EXOC2: variants seen among roughly 807,000 people sequenced by gnomAD.
EXOC2 encodes the protein exocyst complex component 2.
In EXOC2, 70 loss-of-function variants were observed where a neutral mutation model predicts 131.8. The observed-to-expected ratio is 0.53, with a 90% CI of 0.44 to 0.65. The LOEUF (loss-of-function observed/expected upper bound fraction) is 0.65. EXOC2 is among the 30% of genes least tolerant of loss of function. EXOC2 has a pLI of 0.00. For synonymous variants in EXOC2, 411 were observed against 398.4 expected (o/e 1.03, Z -0.38); for missense variants, 923 against 1,108.6 (o/e 0.83, Z 2.38).
At chr6:535,721 C>T (rs1026359855) in intron 22 of EXOC2, among the ~76,000 whole-genome samples, 2 of 152,094 alleles carry the variant, frequency 1.3e-5, no homozygotes, top group African/African-American at 4.8e-5. Context: ...CTCTACCAAG[C>T]ATGTAAGGAA....
chr6:691,634 G>C (rs1183821655), intron 1 of EXOC2, among the ~76,000 whole-genome samples: 1 of 152,232 alleles, frequency 6.6e-6, no homozygotes, highest in Non-Finnish European at 1.5e-5. Flanking sequence ...CTGGTCAACA[G>C]TAGGCTATTA....
At chr6:594,126 C>G (rs1320259550) in intron 10 of EXOC2, among the ~76,000 whole-genome samples, 1 of 152,214 alleles carries the variant, frequency 6.6e-6, no homozygotes, top group Non-Finnish European at 1.5e-5. Context: ...AAGAGCTTTA[C>G]TCAGATTAAG....
chr6:512,294 C>T (rs1302910370), intron 23 of EXOC2, among the ~76,000 whole-genome samples: 1 of 152,210 alleles, frequency 6.6e-6, no homozygotes, highest in African/African-American at 2.4e-5. Context: ...GCCTCTGCTG[C>T]CCCTGACACA....
At chr6:548,519 C>T (rs1756977836) in intron 22 of EXOC2, among the ~76,000 whole-genome samples, 1 of 152,144 alleles carries the variant, frequency 6.6e-6, no homozygotes, top group Admixed American at 6.5e-5. Context: ...ATATAAACAA[C>T]AAAGTGTAAC....
intron 17 of EXOC2, 78 bp from the exon 18 acceptor site, chr6:556,642 GC>G: frequency 7.0e-7 from 1 of 1,433,174 alleles, no homozygotes; most frequent in Non-Finnish European, 9.8e-7. Flanking sequence ...AGCGAATATG[GC>G]CCCAAGCCCC....
intron 6 of EXOC2, among the ~76,000 whole-genome samples, chr6:610,543 A>G (rs1760661286): frequency 6.6e-6 from 1 of 152,206 alleles, no homozygotes; most frequent in Non-Finnish European, 1.5e-5. Context: ...CACTCACATG[A>G]CATTCAAAGG....
At chr6:663,016 T>C (rs1763489499) in intron 1 of EXOC2, among the ~76,000 whole-genome samples, 1 of 151,704 alleles carries the variant, frequency 6.6e-6, no homozygotes, top group Non-Finnish European at 1.5e-5. Flanking sequence ...TCCTGGTTCT[T>C]TGAAAAGATA....
chr6:560,437 A>G (rs1757639403), intron 17 of EXOC2, among the ~76,000 whole-genome samples: 1 of 152,264 alleles, frequency 6.6e-6, no homozygotes, highest in South Asian at 2.1e-4. Context: ...TCTTAGATTT[A>G]CCGGTAATCA....
At position 675,187 on chromosome 6, in the gene EXOC2, C is replaced by G. The variant is rs115664371; in HGVS notation, c.-44+17832G>C. 6.9e-3 allele frequency among the ~76,000 whole-genome samples: 1,057 copies of G among 152,246 alleles called. 17 individuals are homozygous for G. Among genetic ancestry groups the G allele is most frequent in the African/African-American group, 0.024 (1,015 of 41,532 alleles). The stretch of plus-strand genomic sequence containing the variant: ...CTTATCCTGCTTGTTGATAATAAAA[C>G]CTACATTTTAAAAGTCTTCCCTTTT... On this transcript the variant is annotated intron_variant, in intron 1 of 27. Transcript: ENST00000230449.
intron 23 of EXOC2, among the ~76,000 whole-genome samples, chr6:513,011 T>C (rs950756697): frequency 1.3e-5 from 2 of 152,242 alleles, no homozygotes; most frequent in Non-Finnish European, 2.9e-5. Flanking sequence ...TTTTCAACAA[T>C]GGACGCTTAA....
intron 21 of EXOC2, among the ~76,000 whole-genome samples, chr6:552,878 A>ACC (rs540648632): frequency 2.7e-5 from 4 of 150,306 alleles, no homozygotes; most frequent in African/African-American, 4.9e-5. Flanking sequence ...ACACACACAC[A>ACC]CCCCCCCTTC....
At chr6:581,508 G>C (rs796427075) in intron 11 of EXOC2, among the ~76,000 whole-genome samples, 29 of 152,208 alleles carry the variant, frequency 1.9e-4, no homozygotes, top group African/African-American at 6.7e-4. Context: ...TTGCGAACAG[G>C]CACATCACCC....
chr6:504,346 C>T (rs1581322669), intron 23 of EXOC2, among the ~76,000 whole-genome samples: 1 of 152,196 alleles, frequency 6.6e-6, no homozygotes, highest in South Asian at 2.1e-4. Flanking sequence ...GCGGCTGAGG[C>T]CTCGCGGTGA....
intron 21 of EXOC2, 51 bp downstream of exon 21, chr6:553,803 G>T (rs1395707864): frequency 1.3e-6 from 2 of 1,499,026 alleles, no homozygotes; most frequent in Non-Finnish European, 1.9e-6. Context: ...TTGCGAAATT[G>T]TTGTTACACA....
intron 26 of EXOC2, 115 bp from the exon 27 acceptor site, chr6:489,153 T>C: frequency 2.1e-6 from 2 of 965,416 alleles, no homozygotes; most frequent in Non-Finnish European, 3.0e-6. Context: ...AGCAAGGAAA[T>C]ATGAGAAAAA....
At chr6:493,629 C>G (rs985754961) in intron 25 of EXOC2, among the ~76,000 whole-genome samples, 7 of 152,216 alleles carry the variant, frequency 4.6e-5, no homozygotes, top group African/African-American at 1.7e-4. Flanking sequence ...ACCAAGCTCT[C>G]AGGACAGTTC....
intron 1 of EXOC2, among the ~76,000 whole-genome samples, chr6:677,309 T>C (rs1009386268): frequency 4.6e-5 from 7 of 152,238 alleles, no homozygotes; most frequent in African/African-American, 1.7e-4. Context: ...ATAGGGATTT[T>C]GACCCCTTCA....
chr6:496,963 T>C lies in EXOC2; in HGVS notation c.2559+404A>G, dbSNP rs1479528488. 2.6e-5 allele frequency among the ~76,000 whole-genome samples: 4 copies of C among 152,362 alleles called. No individual in the cohort carries two copies. In the East Asian group the frequency reaches 5.8e-4, roughly 22 times the overall value. On this transcript the variant is annotated intron_variant, in intron 25 of 27. Transcript: ENST00000230449. ...CTGGTGTTTACGGCAGTTATAATTA[T>C]GTAATTTAAACAAAAGAGACAGTTA... is the stretch of plus-strand genomic sequence containing the variant.
At chr6:502,111 G>A (rs932330807) in intron 23 of EXOC2, among the ~76,000 whole-genome samples, 1 of 152,162 alleles carries the variant, frequency 6.6e-6, no homozygotes, top group Non-Finnish European at 1.5e-5. Context: ...TCTCTAAGCC[G>A]CACGCCATGG....
Sources: gnomAD v4.1 joint callset for allele counts (sites outside exome capture counted in the v4.1 genomes callset) on GRCh38, gnomAD v4.1.1 for gene constraint, MANE v1.5 for transcripts, NCBI Gene and HGNC (gene_info 2026-07-23, HGNC 2026-07-21) for gene names.